Variants in GMDS observed in about 807,000 individuals in gnomAD.
The protein encoded by GMDS is GDP-mannose 4,6-dehydratase, also known as GDP-mannose 4,6 dehydratase.
GMDS carries 20 observed loss-of-function variants against 49.9 expected under a neutral mutation model. That is an observed-to-expected ratio of 0.40 (90% confidence interval 0.28 to 0.58). The LOEUF is 0.58. GMDS is among the 20% of genes least tolerant of loss of function. The pLI is 0.42. For missense variants in GMDS, 362 were observed against 481.4 expected, an observed-to-expected ratio of 0.75 and a Z score of 2.32; for synonymous variants, 177 against 178.6, an observed-to-expected ratio of 0.99 and a Z score of 0.07.
chr6:2,212,716 A>G (rs1330678777), intron 1 of GMDS, among the ~76,000 whole-genome samples: 1 of 151,444 alleles, frequency 6.6e-6, no homozygotes, highest in Non-Finnish European at 1.5e-5. Flanking sequence ...GTAAAAAAAA[A>G]AAAAAAAAAA....
At chr6:1,765,871 G>A (rs560018512) in intron 7 of GMDS, among the ~76,000 whole-genome samples, 2 of 152,090 alleles carry the variant, frequency 1.3e-5, no homozygotes, top group Non-Finnish European at 2.9e-5. Flanking sequence ...CAGAACAAAC[G>A]CAAAGGCCTT....
At chr6:1,672,124 C>A (rs1024176501) in intron 9 of GMDS, among the ~76,000 whole-genome samples, 2 of 152,172 alleles carry the variant, frequency 1.3e-5, no homozygotes, top group Non-Finnish European at 2.9e-5. Context: ...TTAGACAATG[C>A]CCAGTAATCA....
chr6:2,092,106 A>G (rs1050827730), intron 4 of GMDS, among the ~76,000 whole-genome samples: 10 of 152,332 alleles, frequency 6.6e-5, no homozygotes, highest in South Asian at 4.1e-4. Context: ...ATTAGAAATA[A>G]TATGTGTAAA....
chr6:1,675,595 G>A (rs1001746903), intron 9 of GMDS, among the ~76,000 whole-genome samples: 27 of 152,238 alleles, frequency 1.8e-4, no homozygotes, highest in African/African-American at 6.5e-4. Context: ...GCTCATGCCT[G>A]TAATCCCAGC....
At chr6:2,224,130 T>C (rs1256583587) in intron 1 of GMDS, among the ~76,000 whole-genome samples, 1 of 152,074 alleles carries the variant, frequency 6.6e-6, no homozygotes, top group Non-Finnish European at 1.5e-5. Flanking sequence ...ATAACAACAG[T>C]TTAGGGTAGG....
At chr6:2,198,306 C>T (rs549190081) in intron 1 of GMDS, among the ~76,000 whole-genome samples, 1 of 152,264 alleles carries the variant, frequency 6.6e-6, no homozygotes, top group East Asian at 1.9e-4. Flanking sequence ...AAGGGGCTGC[C>T]TGTCAACAGG....
intron 6 of GMDS, among the ~76,000 whole-genome samples, chr6:1,932,828 G>A (rs556136129): frequency 3.9e-5 from 6 of 152,236 alleles, no homozygotes; most frequent in South Asian, 2.1e-4. Context: ...ATGAGCCACC[G>A]CGCCCGCTCA....
intron 4 of GMDS, among the ~76,000 whole-genome samples, chr6:2,108,484 T>G (rs1054386737): frequency 6.6e-6 from 1 of 152,184 alleles, no homozygotes; most frequent in South Asian, 2.1e-4. Flanking sequence ...TATATTAATT[T>G]TATGTTAGTA....
At chr6:2,044,534 G>A (rs560594530) in intron 4 of GMDS, among the ~76,000 whole-genome samples, 86 of 152,062 alleles carry the variant, frequency 5.7e-4, no homozygotes, top group Non-Finnish European at 1.1e-3. Flanking sequence ...GACATACAGA[G>A]GAAAACAACA....
At chr6:2,046,845 C>T (rs1040200557) in intron 4 of GMDS, among the ~76,000 whole-genome samples, 7 of 152,142 alleles carry the variant, frequency 4.6e-5, no homozygotes, top group Admixed American at 2.0e-4. Flanking sequence ...TTAATTTGCT[C>T]ATTTTCTGAC....
intron 7 of GMDS, among the ~76,000 whole-genome samples, chr6:1,837,740 C>G (rs959790158): frequency 7.9e-5 from 12 of 152,130 alleles, no homozygotes; most frequent in African/African-American, 2.7e-4. Flanking sequence ...GCTAATGAAG[C>G]CTTCCTGCTG....
chr6:1,996,253 C>A (rs1480361513), intron 4 of GMDS, among the ~76,000 whole-genome samples: 1 of 152,096 alleles, frequency 6.6e-6, no homozygotes, highest in Non-Finnish European at 1.5e-5. Flanking sequence ...TCAAGCACAG[C>A]CAACAACACC....
At chr6:1,791,808 C>T (rs1769553651) in intron 7 of GMDS, among the ~76,000 whole-genome samples, 1 of 152,054 alleles carries the variant, frequency 6.6e-6, no homozygotes, top group Non-Finnish European at 1.5e-5. Context: ...CCAAATGACA[C>T]ATTTTTTAAT....
intron 4 of GMDS, among the ~76,000 whole-genome samples, chr6:2,070,307 T>C (rs955793213): frequency 6.7e-6 from 1 of 148,390 alleles, no homozygotes; most frequent in Admixed American, 6.7e-5. Context: ...TTGGGAGATA[T>C]ACCTAATGCT....
At chr6:1,858,857 A>T (rs1417288426) in intron 7 of GMDS, among the ~76,000 whole-genome samples, 1 of 152,226 alleles carries the variant, frequency 6.6e-6, no homozygotes, top group Non-Finnish European at 1.5e-5. Flanking sequence ...AGAAGTTACA[A>T]TCTATTCAAC....
chr6:2,097,186 C>T (rs749341062), intron 4 of GMDS, among the ~76,000 whole-genome samples: 1 of 152,070 alleles, frequency 6.6e-6, no homozygotes, highest in Non-Finnish European at 1.5e-5. Context: ...TTACAGATCA[C>T]TGAATTTTTG....
chr6:2,233,242 T>C, intron 1 of GMDS, among the ~76,000 whole-genome samples: 1 of 152,220 alleles, frequency 6.6e-6, no homozygotes, highest in East Asian at 1.9e-4. Flanking sequence ...CTTCCTTCTC[T>C]TCCAAGCCTG....
chr6:1,716,814 A>C (rs1360750321), intron 9 of GMDS, among the ~76,000 whole-genome samples: 1 of 152,090 alleles, frequency 6.6e-6, no homozygotes, highest in African/African-American at 2.4e-5. Context: ...TTTAATTACA[A>C]ATCTTTCCAA....
At chr6:1,636,911 C>T (rs1763169255) in intron 9 of GMDS, among the ~76,000 whole-genome samples, 1 of 152,226 alleles carries the variant, frequency 6.6e-6, no homozygotes. Context: ...CTTGCCTCAC[C>T]TGCACACGGG....
Sources: gnomAD v4.1 joint callset for allele counts (sites outside exome capture counted in the v4.1 genomes callset) on GRCh38, gnomAD v4.1.1 for gene constraint, MANE v1.5 for transcripts, NCBI Gene and HGNC (gene_info 2026-07-23, HGNC 2026-07-21) for gene names.